Variants in NMT2 observed in about 807,000 individuals in gnomAD.
NMT2 encodes glycylpeptide N-tetradecanoyltransferase 2.
A neutral mutation model predicts 65.4 loss-of-function variants in NMT2; 35 were observed. That is an observed-to-expected ratio of 0.54 (90% confidence interval 0.41 to 0.71). The LOEUF (loss-of-function observed/expected upper bound fraction) is 0.71. NMT2 is among the 30% of genes least tolerant of loss of function. The probability of loss-of-function intolerance (pLI) is 0.00; values close to 1 mark genes in which losing one functional copy is unlikely to be tolerated. For synonymous variants in NMT2, 226 were observed against 231.8 expected (o/e 0.98, Z 0.23); for missense variants, 489 against 611.3 (o/e 0.80, Z 2.11).
intron 7 of NMT2, among the ~76,000 whole-genome samples, chr10:15,129,246 G>A (rs1452311389): frequency 1.3e-5 from 2 of 152,022 alleles, no homozygotes; most frequent in Non-Finnish European, 2.9e-5. Context: ...TACCCCTGAA[G>A]TCTAGTATTC....
chr10:15,127,891 C>A (rs1285970437), intron 8 of NMT2, among the ~76,000 whole-genome samples: 2 of 129,900 alleles, frequency 1.5e-5, no homozygotes, highest in African/African-American at 8.8e-5. Flanking sequence ...CAGAGCAAGA[C>A]TGTCTCCAAA....
rs978183368 is a variant in NMT2, at chr10:15,137,683, G to A, written c.247-2265C>T. Among the ~76,000 whole-genome samples, 4 of 152,286 alleles carry A rather than the reference G, an allele frequency of 2.6e-5. No individual in the cohort carries two copies. The South Asian group carries it at 8.3e-4, about 32-fold the overall frequency. On this transcript the variant is annotated intron_variant, in intron 2 of 11. Transcript: ENST00000378165. ...AGTCTTATAAAAATAGAACTACAAT[G>A]ACTATAATGAATTTGTCATGGTACT...
intron 8 of NMT2, among the ~76,000 whole-genome samples, chr10:15,124,769 G>C (rs1228888055): frequency 5.3e-5 from 8 of 152,156 alleles, no homozygotes; most frequent in Non-Finnish European, 1.2e-4. Flanking sequence ...AGACACCCAA[G>C]GGACTGCTGC....
chr10:15,109,300 A>C (rs1845425142), intron 11 of NMT2, 85 bp from the exon 12 acceptor site: 1 of 1,530,046 alleles, frequency 6.5e-7, no homozygotes, highest in African/African-American at 1.4e-5. Context: ...AGCTGTCTTA[A>C]GGCTCAGCTC....
intron 1 of NMT2, among the ~76,000 whole-genome samples, chr10:15,161,103 A>C (rs1356885673): frequency 1.3e-5 from 2 of 149,692 alleles, no homozygotes; most frequent in East Asian, 2.0e-4. Flanking sequence ...AAAAAAAAAA[A>C]AAAAAAACAC....
chr10:15,139,863 CTATATATATATATATA>C lies in NMT2; in HGVS notation c.246+1543_246+1558del, dbSNP rs201561074. 226 of 69,634 alleles carry C rather than the reference CTATATATATATATATA, an allele frequency of 3.2e-3. 4 individuals carry two copies. The highest frequency in any genetic ancestry group is 7.0e-3 in the South Asian group (9 of 1,294). 4.3% of individuals were successfully genotyped at this position (69,634 alleles called of 1,614,324 possible). On this transcript the variant is annotated intron_variant, in intron 2 of 11. Transcript: ENST00000378165. ...AAAGCTTGTAGAATGGTAACAACTA[CTATATATATATATATA>C]TATATATATATATATATATATATAT...
intron 2 of NMT2, among the ~76,000 whole-genome samples, chr10:15,137,896 C>T (rs1449436049): frequency 6.6e-6 from 1 of 152,154 alleles, no homozygotes; most frequent in African/African-American, 2.4e-5. Context: ...TTATTCCCTA[C>T]CTAATTAGCT....
At chr10:15,137,279 G>C (rs1474511321) in intron 2 of NMT2, among the ~76,000 whole-genome samples, 3 of 152,058 alleles carry the variant, frequency 2.0e-5, no homozygotes, top group African/African-American at 7.2e-5. Flanking sequence ...GGAGGCAGGT[G>C]AAAGTCTTTT....
At chr10:15,151,056 C>T (rs1832783852) in intron 1 of NMT2, among the ~76,000 whole-genome samples, 1 of 144,840 alleles carries the variant, frequency 6.9e-6, no homozygotes, top group South Asian at 2.1e-4. Flanking sequence ...CATTAGCTTC[C>T]TCCTTTTTTT....
At chr10:15,138,323 T>C in intron 2 of NMT2, 1 of 470,674 alleles carries the variant, frequency 2.1e-6, no homozygotes, top group Non-Finnish European at 4.4e-6. Context: ...ATTTAAATGC[T>C]TTCTGAAAGT....
chr10:15,146,494 C>T (rs1330040965), intron 1 of NMT2, among the ~76,000 whole-genome samples: 7 of 152,132 alleles, frequency 4.6e-5, no homozygotes, highest in East Asian at 1.9e-4. Context: ...TTCCAGCCAG[C>T]GGAAGTGATG....
intron 6 of NMT2, among the ~76,000 whole-genome samples, chr10:15,131,163 A>G (rs964888208): frequency 6.6e-6 from 1 of 152,146 alleles, no homozygotes; most frequent in African/African-American, 2.4e-5. Context: ...ATTCAGACGG[A>G]AACACTATTC....
intron 1 of NMT2, chr10:15,155,117 G>A: frequency 3.4e-6 from 5 of 1,473,404 alleles, no homozygotes; most frequent in Non-Finnish European, 3.8e-6. Context: ...TGCCATTATG[G>A]CATGTAAAGT....
At chr10:15,119,301 G>A (rs1245357253) in intron 9 of NMT2, 42 bp downstream of exon 9, 6 of 1,567,038 alleles carry the variant, frequency 3.8e-6, no homozygotes, top group Admixed American at 3.4e-5. Context: ...AACACAAAGG[G>A]TGCTTCAAGG....
intron 10 of NMT2, among the ~76,000 whole-genome samples, chr10:15,111,509 CAAAAA>C (rs58537120): frequency 3.8e-5 from 2 of 52,804 alleles, no homozygotes; most frequent in Non-Finnish European, 7.9e-5. Flanking sequence ...AGACTCATCT[CAAAAA>C]AAAAAAAAAA....
Sources: allele counts gnomAD v4.1 joint callset (sites outside exome capture counted in the v4.1 genomes callset), GRCh38; gene constraint gnomAD v4.1.1; transcripts MANE v1.5; gene names NCBI Gene and HGNC (gene_info 2026-07-23, HGNC 2026-07-21).